The following DNAH11 variants were observed in gnomAD, a reference collection of about 807,000 sequenced individuals.
The protein encoded by DNAH11 is dynein axonemal heavy chain 11, also known as axonemal beta dynein heavy chain 11.
DNAH11 carries 442 observed loss-of-function variants against 526.0 expected under a neutral mutation model. The ratio of observed to expected loss-of-function variants is 0.84; its 90% CI spans 0.78 to 0.91. The LOEUF (loss-of-function observed/expected upper bound fraction) is 0.91, where lower values mean the gene tolerates loss of function less well. Ranked by LOEUF, DNAH11 falls within the 40% of genes least tolerant of loss-of-function variation. The pLI, the probability that DNAH11 is intolerant of heterozygous loss-of-function variation, is 0.00. For synonymous variants in DNAH11, 2,461 were observed against 1,935.9 expected (o/e 1.27, Z -7.12); for missense variants, 6,989 against 5,448.7 (o/e 1.28, Z -8.90).
At chr7:21,887,809 T>C (rs1366902787) in intron 76 of DNAH11, among the ~76,000 whole-genome samples, 1 of 152,222 alleles carries the variant, frequency 6.6e-6, no homozygotes, top group African/African-American at 2.4e-5. Context: ...TTCTTCTCAC[T>C]ATAATCTGGA....
In DNAH11 at chr7:21,901,644, T is replaced by TTTTAATTTTTAACAAACAACAAATTAAA. The variant is rs1784867137; in HGVS notation, c.*393_*420dup. Reference sequence around the variant, plus strand: ...GCAATGCAGCCGGAAAGAACGGAGATTTTAATTTTTAACAAACAACAAATT... The same window carrying TTTTAATTTTTAACAAACAACAAATTAAA: ...GCAATGCAGCCGGAAAGAACGGAGATTTTAATTTTTAACAAACAACAAATTAAATTTAATTTTTAACAAACAACAAATT... On this transcript the variant is annotated 3_prime_UTR_variant, in exon 82 of 82. Coordinates refer to ENST00000409508, the MANE Select transcript of DNAH11 (RefSeq NM_001277115.2). 1.3e-5 allele frequency: 2 copies of TTTTAATTTTTAACAAACAACAAATTAAA among 158,036 alleles called. No homozygotes were observed. The highest frequency in any genetic ancestry group is 2.4e-5 in the African/African-American group (1 of 41,452). The allele number at this position is 158,036 out of a possible 1,614,324, so 9.8% of individuals were successfully genotyped here. A position where few individuals can be genotyped will look rare whatever the true frequency, so the allele number is the denominator to read the frequency against.
chr7:21,805,015 G>A (rs1027018819), intron 62 of DNAH11, among the ~76,000 whole-genome samples: 1 of 152,018 alleles, frequency 6.6e-6, no homozygotes, highest in Non-Finnish European at 1.5e-5. Flanking sequence ...TTCCAGGCAC[G>A]CTCCTTCTTT....
rs192542392 is a variant in DNAH11 at position 21,765,490 on chromosome 7, C to T, written c.9003C>T (p.Ala3001=). Residue 3001 remains alanine, a synonymous_variant, in exon 55 of 82, where the codon GCC becomes GCT. Coordinates refer to ENST00000409508, the MANE Select transcript of DNAH11 (RefSeq NM_001277115.2). ...TLRVRARKFP[A]IVNCTAIDWF... is the part of the protein sequence containing the mutation. ...GAGTTAGAGCTCGGAAGTTCCCAGC[C>T]ATAGTTAACTGCACGGCTATTGACT... 6.8e-5 allele frequency: 109 copies of T among 1,613,894 alleles called. No homozygotes were observed. The highest frequency in any genetic ancestry group is 4.0e-4 in the Admixed American group (24 of 60,008).
At chr7:21,719,287 C>G (rs1784786037) in intron 43 of DNAH11, among the ~76,000 whole-genome samples, 1 of 152,134 alleles carries the variant, frequency 6.6e-6, no homozygotes, top group African/African-American at 2.4e-5. Flanking sequence ...CCTGAAATGG[C>G]TATCTTGAGA....
At position 21,748,447 on chromosome 7, in the gene DNAH11, C is replaced by T. The variant is rs138923368; in HGVS notation, c.8511-133C>T. On this transcript the variant is annotated intron_variant, in intron 51 of 81. Transcript: ENST00000409508. ...GAGGCTGCAATGAGCCAAGATCGCG[C>T]CACTGCACTCCGGCCTGGGCAACAG... 1.8e-3 allele frequency: 1,802 copies of T among 1,018,256 alleles called. 27 individuals carry two copies. In the African/African-American group the frequency reaches 0.027, roughly 15 times the overall value. The allele number at this position is 1,018,256 out of a possible 1,614,324, so 63.1% of individuals were successfully genotyped here.
rs865805286 is a variant in DNAH11 at position 21,683,913 on chromosome 7, C to A, written c.5590C>A (p.Pro1864Thr). Residue 1864 changes from proline (P) to threonine (T), a missense_variant, in exon 32 of 82, where the codon CCT becomes ACT. Pro to Thr is a conservative substitution (Grantham distance 38, BLOSUM62 -1). Transcript: ENST00000409508. ...QYFYEYLGNS[P>T]RLVITPLTDR... ...CTTCTATGAATACTTAGGAAACAGC[C>A]CTCGACTAGTGATCACTCCTCTAAC... is the stretch of plus-strand genomic sequence containing the variant. 1 of 1,613,396 alleles carries A rather than the reference C, an allele frequency of 6.2e-7. No individual in the cohort carries two copies. The highest frequency in any genetic ancestry group is 8.5e-7 in the Non-Finnish European group (1 of 1,179,636).
chr7:21,549,790 G>C (rs1432183366), intron 2 of DNAH11, among the ~76,000 whole-genome samples: 1 of 152,158 alleles, frequency 6.6e-6, no homozygotes, highest in African/African-American at 2.4e-5. Context: ...ATCCCAGCTG[G>C]GGCAGGGTGA....
rs1261810390 is a variant in DNAH11, at chr7:21,892,571, G to C, written c.12654G>C (p.Leu4218=). 9 of 1,613,916 alleles carry C rather than the reference G, an allele frequency of 5.6e-6. No homozygotes were observed. Among genetic ancestry groups the C allele is most frequent in the South Asian group, 1.1e-5 (1 of 91,068 alleles). Residue 4218 remains leucine (L), a synonymous_variant, in exon 77 of 82, where the codon CTG becomes CTC. Transcript: ENST00000409508. ...ACCCAAATGCTGAAATAGAATTCCT[G>C]ACAGTGACATCCAACACTCTCTTCA... ...GLHPNAEIEF[L]TVTSNTLFRT...
chr7:21,663,214 C>G (rs1229981492), intron 30 of DNAH11, among the ~76,000 whole-genome samples: 2 of 151,996 alleles, frequency 1.3e-5, no homozygotes, highest in East Asian at 1.9e-4. Flanking sequence ...TTTTCTTTTT[C>G]CATTCATCCG....
chr7:21,826,684 T>A (rs1049952493), intron 65 of DNAH11, among the ~76,000 whole-genome samples: 1 of 152,092 alleles, frequency 6.6e-6, no homozygotes, highest in Non-Finnish European at 1.5e-5. Flanking sequence ...AGAGATAGCA[T>A]TGAAAAGAGA....
At chr7:21,599,681 G>A (rs1166130751) in intron 14 of DNAH11, 106 bp from the exon 15 acceptor site, 7 of 837,146 alleles carry the variant, frequency 8.4e-6, no homozygotes, top group African/African-American at 3.4e-5. Context: ...CCTGTCTTGT[G>A]CACAACAATG....
intron 32 of DNAH11, among the ~76,000 whole-genome samples, chr7:21,684,410 G>C (rs542040230): frequency 2.0e-5 from 3 of 152,202 alleles, no homozygotes; most frequent in Admixed American, 2.0e-4. Context: ...CAGGGTTCCT[G>C]CTGTCACAGA....
At chr7:21,802,223 C>T (rs965550046) in intron 62 of DNAH11, among the ~76,000 whole-genome samples, 2 of 152,108 alleles carry the variant, frequency 1.3e-5, no homozygotes, top group Non-Finnish European at 2.9e-5. Context: ...AGCCAGTAAG[C>T]ACCTGAAAAG....
intron 54 of DNAH11, among the ~76,000 whole-genome samples, chr7:21,755,877 C>G (rs1786610206): frequency 6.6e-6 from 1 of 152,050 alleles, no homozygotes; most frequent in Admixed American, 6.6e-5. Flanking sequence ...TGTCCTTTAT[C>G]CACTTATAGC....
intron 30 of DNAH11, among the ~76,000 whole-genome samples, chr7:21,679,610 T>G (rs998326099): frequency 6.6e-6 from 1 of 152,206 alleles, no homozygotes; most frequent in Non-Finnish European, 1.5e-5. Context: ...CATATATTAA[T>G]ATTTTTATTT....
At chr7:21,745,184 C>T (rs1315318408) in intron 51 of DNAH11, 121 bp downstream of exon 51, 7 of 1,006,200 alleles carry the variant, frequency 7.0e-6, no homozygotes, top group Non-Finnish European at 9.8e-6. Context: ...TGCTGTTTGA[C>T]ATATAATTTT....
intron 65 of DNAH11, among the ~76,000 whole-genome samples, chr7:21,821,616 A>C (rs1032785500): frequency 4.6e-5 from 7 of 152,132 alleles, no homozygotes; most frequent in Non-Finnish European, 1.0e-4. Flanking sequence ...TTGGGGGTAC[A>C]TGAGATATTT....
At chr7:21,900,245 T>C in intron 81 of DNAH11, 125 bp downstream of exon 81, 10 of 1,078,782 alleles carry the variant, frequency 9.3e-6, no homozygotes, top group Non-Finnish European at 1.1e-5. Context: ...AGTCATTATC[T>C]CATTTCTTCC....
At chr7:21,572,076 C>A in intron 8 of DNAH11, 103 bp downstream of exon 8, 1 of 1,016,770 alleles carries the variant, frequency 9.8e-7, no homozygotes. Context: ...ATTCCAATAT[C>A]TCTAGGACCA....
Sources: allele counts gnomAD v4.1 joint callset (sites outside exome capture counted in the v4.1 genomes callset), GRCh38; gene constraint gnomAD v4.1.1; transcripts MANE v1.5; gene names NCBI Gene and HGNC (gene_info 2026-07-23, HGNC 2026-07-21).